The following CUX1 variants were observed in gnomAD, a reference collection of about 807,000 sequenced individuals.
The protein encoded by CUX1 is cut like homeobox 1, also known as protein CASP.
Under a neutral mutation model 158.8 loss-of-function variants are expected in CUX1, and 31 were observed. That is an observed-to-expected ratio of 0.20 (90% CI 0.15 to 0.26). CUX1 has a LOEUF of 0.26. Ranked by LOEUF, CUX1 falls within the 10% of genes least tolerant of loss-of-function variation. The pLI, the probability that CUX1 is intolerant of heterozygous loss-of-function variation, is 1.00. For synonymous variants in CUX1, 879 were observed against 862.1 expected (o/e 1.02, Z -0.34); for missense variants, 1,589 against 2,014.6 (o/e 0.79, Z 4.04).
chr7:102,131,591 A>T (rs575138741), intron 8 of CUX1, among the ~76,000 whole-genome samples: 1 of 151,936 alleles, frequency 6.6e-6, no homozygotes, highest in Non-Finnish European at 1.5e-5. Flanking sequence ...CAAGCCAACT[A>T]TGTAGAAGCC....
At chr7:101,921,242 G>A (rs1387897588) in intron 2 of CUX1, among the ~76,000 whole-genome samples, 3 of 152,080 alleles carry the variant, frequency 2.0e-5, no homozygotes, top group East Asian at 1.9e-4. Flanking sequence ...GGCCCCGCTC[G>A]CAGGGTTGCT....
rs1489334267 is a variant in CUX1 at position 101,984,146 on chromosome 7, ATATGTG to A, written c.142-43950_142-43945del. ...TATATATATACACACACACATATAT[ATATGTG>A]TGTGTGTGTGTGTGTGTGTGTGTTA... On this transcript the variant is annotated intron_variant, in intron 2 of 23. Coordinates refer to ENST00000292535, the MANE Select transcript of CUX1 (RefSeq NM_181552.4). Among the ~76,000 whole-genome samples, 133 of 74,624 alleles carry A rather than the reference ATATGTG, an allele frequency of 1.8e-3. 8 individuals carry two copies. The highest frequency in any genetic ancestry group is 5.5e-3 in the African/African-American group (119 of 21,766). 49.0% of individuals were successfully genotyped at this position (74,624 alleles called of 152,430 possible). A position where few individuals can be genotyped will look rare whatever the true frequency, so the allele number is the denominator to read the frequency against.
Position 102,257,461 on chromosome 7 carries a change from A to C in CUX1, c.*8419A>C, listed in dbSNP as rs1790023114. 1 of 985,324 alleles carries C rather than the reference A, an allele frequency of 1.0e-6. No individual in the cohort carries two copies. Among genetic ancestry groups the C allele is most frequent in the Non-Finnish European group, 1.2e-6 (1 of 829,918 alleles). The allele number at this position is 985,324 out of a possible 1,614,324, so 61.0% of individuals were successfully genotyped here. ...GTGTATTCTGGAGATGTGAGAATTCACCCAAAATTCTTAAAACATTGGAGA... is the reference window on the plus strand; with the variant it reads ...GTGTATTCTGGAGATGTGAGAATTCCCCCAAAATTCTTAAAACATTGGAGA... On this transcript the variant is annotated 3_prime_UTR_variant, in exon 24 of 24. Coordinates refer to ENST00000292535, the MANE Select transcript of CUX1 (RefSeq NM_181552.4).
chr7:102,229,247 C>T (rs932598020), intron 21 of CUX1, among the ~76,000 whole-genome samples: 1 of 151,788 alleles, frequency 6.6e-6, no homozygotes, highest in African/African-American at 2.4e-5. Flanking sequence ...GTTGTCTGTG[C>T]TCTGTGTCAC....
chr7:102,158,222 C>T (rs1201875209), intron 8 of CUX1, among the ~76,000 whole-genome samples: 1 of 152,166 alleles, frequency 6.6e-6, no homozygotes, highest in Non-Finnish European at 1.5e-5. Context: ...ATTTATTTCT[C>T]CCTCTTTTTT....
At chr7:101,935,172 T>G (rs2129126157) in intron 2 of CUX1, among the ~76,000 whole-genome samples, 1 of 152,288 alleles carries the variant, frequency 6.6e-6, no homozygotes, top group African/African-American at 2.4e-5. Context: ...TGACATTATC[T>G]TGTGAAATTC....
intron 9 of CUX1, among the ~76,000 whole-genome samples, chr7:102,161,494 G>A (rs1460936601): frequency 6.6e-6 from 1 of 152,244 alleles, no homozygotes; most frequent in South Asian, 2.1e-4. Flanking sequence ...CTCAGCCAGA[G>A]TTTATAGCCT....
intron 20 of CUX1, among the ~76,000 whole-genome samples, chr7:102,214,552 A>G (rs1399265655): frequency 6.6e-6 from 1 of 152,230 alleles, no homozygotes; most frequent in Non-Finnish European, 1.5e-5. Flanking sequence ...TGGAGTGTCC[A>G]TGCTCCTTTG....
At chr7:102,097,033 G>A (rs1554484444) in intron 4 of CUX1, among the ~76,000 whole-genome samples, 1 of 152,242 alleles carries the variant, frequency 6.6e-6, no homozygotes, top group Non-Finnish European at 1.5e-5. Flanking sequence ...TCCTGGGGCT[G>A]CTACCTGGTG....
At chr7:102,259,633 T>C (rs986115424), downstream of CUX1, among the ~76,000 whole-genome samples, 5 of 151,674 alleles carry the variant, frequency 3.3e-5, no homozygotes, top group African/African-American at 9.7e-5. Flanking sequence ...CTCTGCCAGT[T>C]TGGTATTTGA....
intron 3 of CUX1, among the ~76,000 whole-genome samples, chr7:102,044,868 C>T (rs950136881): frequency 1.3e-5 from 2 of 152,088 alleles, no homozygotes; most frequent in African/African-American, 2.4e-5. Context: ...CAGGATGATG[C>T]GTTCTGGCTG....
At chr7:102,197,690 A>G (rs1794938082) in intron 15 of CUX1, among the ~76,000 whole-genome samples, 2 of 152,098 alleles carry the variant, frequency 1.3e-5, no homozygotes, top group Non-Finnish European at 2.9e-5. Flanking sequence ...CTCCAGCCCC[A>G]TAGCAGCAAC....
intron 1 of CUX1, among the ~76,000 whole-genome samples, chr7:101,914,084 C>T (rs1803843654): frequency 6.6e-6 from 1 of 151,436 alleles, no homozygotes; most frequent in African/African-American, 2.4e-5. Context: ...CTTCCCTTAA[C>T]TGGGATGTGT....
At chr7:102,037,037 C>G (rs1371448746) in intron 3 of CUX1, among the ~76,000 whole-genome samples, 1 of 152,132 alleles carries the variant, frequency 6.6e-6, no homozygotes, top group East Asian at 1.9e-4. Context: ...CAAAAACTTA[C>G]AAAAATTAGC....
Position 102,216,548 on chromosome 7 carries a change from C to CCCCA in CUX1, c.3131-10818_3131-10817insCCAC, listed in dbSNP as rs1470074288. 1.8e-3 allele frequency among the ~76,000 whole-genome samples: 195 copies of CCCCA among 107,826 alleles called. 6 individuals are homozygous for CCCCA. Among genetic ancestry groups the CCCCA allele is most frequent in the Non-Finnish European group, 3.0e-3 (154 of 52,166 alleles). 70.7% of individuals were successfully genotyped at this position (107,826 alleles called of 152,430 possible). A position where few individuals can be genotyped will look rare whatever the true frequency, so the allele number is the denominator to read the frequency against. ...CACTCTCCCCCCCACACACACACAC[C>CCCCA]CACACACGCACACACACTCCCACAC... On this transcript the variant is annotated intron_variant, in intron 20 of 23. Coordinates refer to ENST00000292535, the MANE Select transcript of CUX1 (RefSeq NM_181552.4).
Position 101,916,431 on chromosome 7 carries a change from G to T in CUX1, c.141+206G>T, listed in dbSNP as rs1335586005. 4.3e-6 allele frequency: 2 copies of T among 465,864 alleles called. No homozygotes were observed. The highest frequency in any genetic ancestry group is 4.0e-5 in the African/African-American group (2 of 50,504). The allele number at this position is 465,864 out of a possible 1,614,324, so 28.9% of individuals were successfully genotyped here. A position where few individuals can be genotyped will look rare whatever the true frequency, so the allele number is the denominator to read the frequency against. On this transcript the variant is annotated intron_variant, in intron 2 of 23. Coordinates refer to ENST00000292535, the MANE Select transcript of CUX1 (RefSeq NM_181552.4). The surrounding 1 kb of genome is among the most constrained non-coding windows in gnomAD (Gnocchi z 4.4). Reference sequence around the variant, plus strand: ...GTGGGGATGTGGAAATTGATAGGTTGTCTGGAAATATGAAAGTCAGAGCCA... The same window carrying T: ...GTGGGGATGTGGAAATTGATAGGTTTTCTGGAAATATGAAAGTCAGAGCCA...
In CUX1 at chr7:102,252,129, A is replaced by T. The variant is rs541589981; in HGVS notation, c.*3087A>T. ...TTTTTCCTCTATTATTTATTTTTTT[A>T]AAAAAAATAGAGATCCTAACCTTAG... On this transcript the variant is annotated 3_prime_UTR_variant, in exon 24 of 24. Transcript: ENST00000292535. 6.2e-4 allele frequency: 606 copies of T among 982,432 alleles called. 1 individual carries two copies. The South Asian group carries it at 7.7e-3, about 13-fold the overall frequency. The allele number at this position is 982,432 out of a possible 1,614,324, so 60.9% of individuals were successfully genotyped here.
At position 102,228,635 on chromosome 7, in the gene CUX1, C is replaced by CA. The variant is rs568725312; in HGVS notation, c.3433+972dup. Among the ~76,000 whole-genome samples, 7 of 152,212 alleles carry CA rather than the reference C, an allele frequency of 4.6e-5. No homozygotes were observed. The South Asian group carries it at 1.0e-3, about 23-fold the overall frequency. ...GCAGCATGGCAAAACCCTATCTCTA[C>CA]AAAAAATGTAAAAATTAGCCGGGTA... On this transcript the variant is annotated intron_variant, in intron 21 of 23. Coordinates refer to ENST00000292535, the MANE Select transcript of CUX1 (RefSeq NM_181552.4).
rs528878341 is a variant in CUX1 at position 102,153,260 on chromosome 7, C to T, written c.675-5300C>T. 49 of 152,460 alleles carry T rather than the reference C, an allele frequency of 3.2e-4. 1 individual carries two copies. Among genetic ancestry groups the T allele is most frequent in the African/African-American group, 1.1e-3 (45 of 41,586 alleles). 9.4% of individuals were successfully genotyped at this position (152,460 alleles called of 1,614,324 possible). Reference sequence around the variant, plus strand: ...AACCTGGCAGGAACTGGACTCGACCCACATGGACCCCAGCCCTGCCAAGCC... The same window carrying T: ...AACCTGGCAGGAACTGGACTCGACCTACATGGACCCCAGCCCTGCCAAGCC... On this transcript the variant is annotated intron_variant, in intron 8 of 23. Transcript: ENST00000292535.
Sources: gnomAD v4.1 joint callset for allele counts (sites outside exome capture counted in the v4.1 genomes callset) on GRCh38, gnomAD v4.1.1 for gene constraint, Gnocchi (gnomAD v3.1) non-coding constraint, MANE v1.5 for transcripts, NCBI Gene and HGNC (gene_info 2026-07-23, HGNC 2026-07-21) for gene names.